Variants in CERS3 observed in about 807,000 individuals in gnomAD.
The protein encoded by CERS3 is ceramide synthase 3.
CERS3 carries 33 observed loss-of-function variants against 50.3 expected under a neutral mutation model. That is an observed-to-expected ratio of 0.66 (90% CI 0.50 to 0.88). The LOEUF (loss-of-function observed/expected upper bound fraction) is 0.88, where lower values mean the gene tolerates loss of function less well. Ranked by LOEUF, CERS3 falls within the 40% of genes least tolerant of loss-of-function variation. The probability of loss-of-function intolerance (pLI) is 0.00; values close to 1 mark genes in which losing one functional copy is unlikely to be tolerated. For missense variants in CERS3, 470 were observed against 460.3 expected, an observed-to-expected ratio of 1.02 and a Z score of -0.19; for synonymous variants, 176 against 155.2, an observed-to-expected ratio of 1.13 and a Z score of -0.99.
intron 11 of CERS3, among the ~76,000 whole-genome samples, chr15:100,421,540 A>G (rs1482700435): frequency 6.6e-6 from 1 of 151,066 alleles, no homozygotes; most frequent in South Asian, 2.1e-4. Context: ...TGCCATCCCC[A>G]TCAAGCTACC....
intron 11 of CERS3, among the ~76,000 whole-genome samples, chr15:100,442,394 A>G (rs1167065371): frequency 6.6e-6 from 1 of 152,234 alleles, no homozygotes; most frequent in Non-Finnish European, 1.5e-5. Context: ...CAAGGTGTAC[A>G]ATAATAGAAT....
Position 100,486,471 on chromosome 15 carries a change from G to A in CERS3, c.289-1803C>T, listed in dbSNP as rs149678761. On this transcript the variant is annotated intron_variant, in intron 4 of 11. Transcript: ENST00000679737. ...GATTTGAGGACCAAGGGATTAGAAT[G>A]TGCTAATGAAACTACTGAGTGCCGT... is the stretch of plus-strand genomic sequence containing the variant. Among the ~76,000 whole-genome samples the A allele has an allele frequency of 8.8e-4, 134 of 152,370 alleles. 1 individual carries two copies. The highest frequency in any genetic ancestry group is 2.9e-3 in the African/African-American group (119 of 41,590).
At chr15:100,484,461 T>A (rs2035426681) in intron 5 of CERS3, 89 bp downstream of exon 5, 4 of 916,842 alleles carry the variant, frequency 4.4e-6, no homozygotes, top group Non-Finnish European at 7.2e-6. Context: ...GAACCCTCCC[T>A]CTGCTGCTCC....
intron 1 of CERS3, among the ~76,000 whole-genome samples, chr15:100,543,321 A>C (rs751828257): frequency 2.6e-5 from 4 of 151,568 alleles, no homozygotes; most frequent in Non-Finnish European, 4.4e-5. Flanking sequence ...GCCCAAACCA[A>C]CCTAACTGGA....
chr15:100,456,081 A>T, intron 10 of CERS3, 35 bp from the exon 11 acceptor site: 3 of 1,543,828 alleles, frequency 1.9e-6, no homozygotes, highest in Non-Finnish European at 2.6e-6. Context: ...ATTTCATTAC[A>T]ACCAAAGCAC....
At chr15:100,442,408 G>A (rs1052104766) in intron 11 of CERS3, among the ~76,000 whole-genome samples, 8 of 152,252 alleles carry the variant, frequency 5.3e-5, no homozygotes, top group Admixed American at 2.6e-4. Context: ...ATAGAATAGA[G>A]GCAGCCAAGT....
At chr15:100,429,037 G>A (rs1490575559) in intron 11 of CERS3, among the ~76,000 whole-genome samples, 1 of 152,228 alleles carries the variant, frequency 6.6e-6, no homozygotes, top group African/African-American at 2.4e-5. Flanking sequence ...GAGAAAGGCA[G>A]GGCCTGACCC....
At chr15:100,428,337 C>T (rs2654609) in intron 11 of CERS3, among the ~76,000 whole-genome samples, 150,873 of 152,360 alleles carry the variant, frequency 0.99, 74,716 homozygotes, top group Middle Eastern at 1. Context: ...CAAAGTTTCC[C>T]CTGGATGAGA....
At chr15:100,455,034 G>A (rs1025311670) in intron 11 of CERS3, among the ~76,000 whole-genome samples, 1 of 152,046 alleles carries the variant, frequency 6.6e-6, no homozygotes, top group Non-Finnish European at 1.5e-5. Context: ...ACTACAATGA[G>A]ATATCATCTC....
intron 1 of CERS3, among the ~76,000 whole-genome samples, chr15:100,524,612 C>A (rs1239483458): frequency 6.6e-6 from 1 of 152,204 alleles, no homozygotes; most frequent in Non-Finnish European, 1.5e-5. Context: ...AATTGCTAAT[C>A]TGCAGAATTT....
intron 2 of CERS3, among the ~76,000 whole-genome samples, chr15:100,518,002 C>T (rs2036538785): frequency 1.3e-5 from 2 of 152,212 alleles, no homozygotes; most frequent in African/African-American, 4.8e-5. Flanking sequence ...CTACCTTGAG[C>T]AAATGGGGAT....
intron 1 of CERS3, among the ~76,000 whole-genome samples, chr15:100,538,706 C>A (rs1008276081): frequency 9.2e-5 from 14 of 152,230 alleles, no homozygotes; most frequent in Admixed American, 5.2e-4. Flanking sequence ...GGAGGAGCTG[C>A]TGTTAAGACC....
intron 2 of CERS3, among the ~76,000 whole-genome samples, chr15:100,517,435 G>C (rs2036523623): frequency 6.6e-6 from 1 of 152,150 alleles, no homozygotes; most frequent in African/African-American, 2.4e-5. Context: ...CTGAGGGATA[G>C]TGTCTTTTGC....
At chr15:100,431,982 C>T (rs887149532) in intron 11 of CERS3, among the ~76,000 whole-genome samples, 4 of 152,158 alleles carry the variant, frequency 2.6e-5, no homozygotes, top group South Asian at 4.1e-4. Flanking sequence ...TAATTACAAT[C>T]CTCCTCTGAT....
intron 10 of CERS3, among the ~76,000 whole-genome samples, chr15:100,467,880 T>TAGATAGATAG (rs377426449): frequency 2.1e-4 from 5 of 23,560 alleles, no homozygotes; most frequent in African/African-American, 2.8e-4. Context: ...GATAGATAGA[T>TAGATAGATAG]ATAGATATAG....
intron 11 of CERS3, among the ~76,000 whole-genome samples, chr15:100,417,160 A>G (rs1323803954): frequency 6.6e-6 from 1 of 151,936 alleles, no homozygotes; most frequent in Non-Finnish European, 1.5e-5. Flanking sequence ...CTGCATTTCC[A>G]TCTGAGGTAC....
chr15:100,462,506 G>C (rs2034581817), intron 10 of CERS3, among the ~76,000 whole-genome samples: 1 of 152,194 alleles, frequency 6.6e-6, no homozygotes. Flanking sequence ...ATCTACCTCA[G>C]TGATCTCTTA....
intron 1 of CERS3, among the ~76,000 whole-genome samples, chr15:100,536,423 G>A (rs199858193): frequency 6.6e-6 from 1 of 152,042 alleles, no homozygotes; most frequent in Non-Finnish European, 1.5e-5. Context: ...TAGCTGGGAC[G>A]ACAGGCACAT....
Position 100,411,699 on chromosome 15 carries a change from G to A in CERS3, c.1000-8834C>T, listed in dbSNP as rs557164046. On this transcript the variant is annotated intron_variant, in intron 11 of 11. Transcript: ENST00000679737. ...TGCTGGATCATGTGGTTAAGCCTATGTTTAACTTTTTGTAGAACTACCATA... is the reference window on the plus strand; with the variant it reads ...TGCTGGATCATGTGGTTAAGCCTATATTTAACTTTTTGTAGAACTACCATA... Among the ~76,000 whole-genome samples, 7 of 152,216 alleles carry A rather than the reference G, an allele frequency of 4.6e-5. No individual in the cohort carries two copies. In the East Asian group the frequency reaches 1.3e-3, roughly 29 times the overall value.
Sources: allele counts gnomAD v4.1 joint callset (sites outside exome capture counted in the v4.1 genomes callset), GRCh38; gene constraint gnomAD v4.1.1; transcripts MANE v1.5; gene names NCBI Gene and HGNC (gene_info 2026-07-23, HGNC 2026-07-21).